Variants in SP100 observed in about 807,000 individuals in gnomAD.
SP100 encodes the protein SP100 nuclear body protein, also known as nuclear autoantigen Sp-100.
SP100 carries 84 observed loss-of-function variants against 130.0 expected under a neutral mutation model. That is an observed-to-expected ratio of 0.65 (90% CI 0.54 to 0.77). SP100 has a LOEUF of 0.77. SP100 is among the 30% of genes least tolerant of loss of function. The pLI is 0.00. For synonymous variants in SP100, 331 were observed against 351.7 expected, an observed-to-expected ratio of 0.94 and a Z score of 0.66; for missense variants, 978 against 1,052.2, an observed-to-expected ratio of 0.93 and a Z score of 0.97.
chr2:230,508,917 CCACACACACACACACACACACACA>C (rs56380956), intron 23 of SP100: 1 of 146,188 alleles, frequency 6.8e-6, no homozygotes, highest in African/African-American at 2.6e-5. Context: ...TTTACCTCCA[CCACACACACACACACACACACACA>C]CACACATACA....
intron 24 of SP100, among the ~76,000 whole-genome samples, chr2:230,525,781 G>C (rs754232743): frequency 1.3e-5 from 2 of 152,216 alleles, no homozygotes; most frequent in Non-Finnish European, 2.9e-5. Flanking sequence ...CACCCACAGA[G>C]CCTTGCTCAC....
In SP100 at chr2:230,544,454, A is replaced by G. The variant is rs1043367179; in HGVS notation, c.*1508A>G. 3.3e-5 allele frequency among the ~76,000 whole-genome samples: 5 copies of G among 151,720 alleles called. No individual in the cohort carries two copies. The highest frequency in any genetic ancestry group is 1.2e-4 in the African/African-American group (5 of 41,328). ...AAACAAATTTACAAGACAAAAAGAA[A>G]TAACCCCATTAAAAAGTGGGCAAAG... On this transcript the variant is annotated 3_prime_UTR_variant, in exon 29 of 29. Transcript: ENST00000340126.
chr2:230,521,929 T>C (rs1559533710), intron 24 of SP100, among the ~76,000 whole-genome samples: 1 of 152,204 alleles, frequency 6.6e-6, no homozygotes, highest in East Asian at 1.9e-4. Context: ...TGCTCTTCTC[T>C]ATTGGGGAAC....
intron 24 of SP100, among the ~76,000 whole-genome samples, chr2:230,513,214 T>A (rs1390987755): frequency 1.3e-5 from 2 of 152,216 alleles, no homozygotes; most frequent in African/African-American, 4.8e-5. Context: ...TCCTTTCTCA[T>A]TGAAGGATAC....
At chr2:230,438,572 A>C (rs1425655254) in intron 2 of SP100, among the ~76,000 whole-genome samples, 1 of 149,094 alleles carries the variant, frequency 6.7e-6, no homozygotes, top group Non-Finnish European at 1.5e-5. Context: ...ATGGTCTCCA[A>C]CTCCATCCAG....
At chr2:230,477,119 C>G (rs2065592640) in intron 17 of SP100, among the ~76,000 whole-genome samples, 1 of 152,170 alleles carries the variant, frequency 6.6e-6, no homozygotes, top group Non-Finnish European at 1.5e-5. Context: ...CCTGCCTCGG[C>G]CTCCCAAAGT....
intron 17 of SP100, among the ~76,000 whole-genome samples, chr2:230,475,605 CT>C (rs1163351486): frequency 6.6e-6 from 1 of 152,120 alleles, no homozygotes; most frequent in Non-Finnish European, 1.5e-5. Flanking sequence ...GCCATAAATT[CT>C]TTGCCAAAGC....
chr2:230,508,917 C>T (rs1234962347), intron 23 of SP100: 1 of 146,084 alleles, frequency 6.8e-6, no homozygotes, highest in African/African-American at 2.6e-5. Flanking sequence ...TTTACCTCCA[C>T]CACACACACA....
At chr2:230,420,125 G>A (rs1203421866) in intron 2 of SP100, among the ~76,000 whole-genome samples, 1 of 152,110 alleles carries the variant, frequency 6.6e-6, no homozygotes, top group Non-Finnish European at 1.5e-5. Context: ...GGTCGCTTTA[G>A]TTCTAGGCAT....
chr2:230,504,530 AG>A (rs2067213453), intron 21 of SP100, among the ~76,000 whole-genome samples: 1 of 152,206 alleles, frequency 6.6e-6, no homozygotes, highest in African/African-American at 2.4e-5. Flanking sequence ...GACAACCAAA[AG>A]CAAGCTTCCA....
At chr2:230,462,341 G>A (rs1411387412) in intron 9 of SP100, 94 bp from the exon 10 acceptor site, 5 of 916,720 alleles carry the variant, frequency 5.5e-6, no homozygotes, top group African/African-American at 1.6e-5. Context: ...TTAGCTTCCT[G>A]GGTCTTCCTA....
chr2:230,511,072 T>A, intron 23 of SP100, 53 bp from the exon 24 acceptor site: 1 of 1,198,986 alleles, frequency 8.3e-7, no homozygotes, highest in East Asian at 2.3e-5. Context: ...AAATGTGGGG[T>A]TAATGAAAAA....
rs1443669514 is a variant in SP100, at chr2:230,506,204, T to A, written c.1871-99T>A. ...GAAAATTCAGACTTTACTGCTACGA[T>A]CCTAAGCCCAAAGTGGGTGGCCCCA... On this transcript the variant is annotated intron_variant, in intron 21 of 28. Coordinates refer to ENST00000340126, the MANE Select transcript of SP100 (RefSeq NM_001080391.2). The A allele has an allele frequency of 3.8e-6, 5 of 1,304,760 alleles. No individual in the cohort carries two copies. In the South Asian group the frequency reaches 4.0e-5, roughly 10 times the overall value. 80.8% of individuals were successfully genotyped at this position (1,304,760 alleles called of 1,614,324 possible).
Position 230,513,143 on chromosome 2 carries a change from G to T in SP100, c.2094+1977G>T, listed in dbSNP as rs943446168. ...GTACAGGTCCTTATCCCGGAAGTTG[G>T]AAACCCCTGTTTTGTAGAAGAGTTT... On this transcript the variant is annotated intron_variant, in intron 24 of 28. Transcript: ENST00000340126. 2.0e-5 allele frequency among the ~76,000 whole-genome samples: 3 copies of T among 152,184 alleles called. No individual in the cohort carries two copies. In the East Asian group the frequency reaches 5.8e-4, roughly 29 times the overall value.
At chr2:230,440,511 C>T in intron 2 of SP100, 1 of 1,308,446 alleles carries the variant, frequency 7.6e-7, no homozygotes, top group Non-Finnish European at 9.8e-7. Flanking sequence ...GAAAGATGTA[C>T]ATGACTTCTA....
At chr2:230,481,113 G>A (rs1448341110) in intron 17 of SP100, among the ~76,000 whole-genome samples, 1 of 151,914 alleles carries the variant, frequency 6.6e-6, no homozygotes, top group African/African-American at 2.4e-5. Context: ...CCACGGATTG[G>A]ACCTGAGTGC....
intron 24 of SP100, among the ~76,000 whole-genome samples, chr2:230,529,712 A>T (rs558396531): frequency 1.8e-3 from 269 of 152,348 alleles, no homozygotes; most frequent in African/African-American, 6.3e-3. Flanking sequence ...CCTTAAGCTG[A>T]TAAGCAAATT....
chr2:230,472,722 A>T (rs1032263416), intron 15 of SP100, among the ~76,000 whole-genome samples: 1 of 152,158 alleles, frequency 6.6e-6, no homozygotes, highest in Non-Finnish European at 1.5e-5. Flanking sequence ...AAATTGTAGG[A>T]TCTGAAATGA....
At chr2:230,512,298 TTTTTTTTTTGA>T (rs1690653368) in intron 24 of SP100, among the ~76,000 whole-genome samples, 1 of 121,486 alleles carries the variant, frequency 8.2e-6, no homozygotes, top group African/African-American at 3.6e-5. Flanking sequence ...TTTTTTTTTT[TTTTTTTTTTGA>T]GACGGAGTCT....
Sources: gnomAD v4.1 joint callset for allele counts (sites outside exome capture counted in the v4.1 genomes callset) on GRCh38, gnomAD v4.1.1 for gene constraint, MANE v1.5 for transcripts, NCBI Gene and HGNC (gene_info 2026-07-23, HGNC 2026-07-21) for gene names.